LRRC61: variants seen among roughly 807,000 people sequenced by gnomAD.
LRRC61 encodes the protein leucine rich repeat containing 61, also known as leucine-rich repeat-containing protein 61.
Under a neutral mutation model 15.1 loss-of-function variants are expected in LRRC61, and 9 were observed. The ratio of observed to expected loss-of-function variants is 0.60; its 90% CI spans 0.36 to 1.04. LRRC61 has a LOEUF of 1.04. LRRC61 is among the 50% of genes least tolerant of loss of function. The pLI, the probability that LRRC61 is intolerant of heterozygous loss-of-function variation, is 0.01. For synonymous variants in LRRC61, 173 were observed against 158.6 expected (o/e 1.09, Z -0.68); for missense variants, 344 against 335.6 (o/e 1.03, Z -0.20).
chr7:150,322,364 G>C (rs927306557), upstream of LRRC61, among the ~76,000 whole-genome samples: 2 of 152,246 alleles, frequency 1.3e-5, no homozygotes, highest in African/African-American at 2.4e-5. Flanking sequence ...GATAAAACAG[G>C]TTGCAGTAAA....
At chr7:150,321,531 G>A (rs1341483781), upstream of LRRC61, among the ~76,000 whole-genome samples, 4 of 152,180 alleles carry the variant, frequency 2.6e-5, no homozygotes, top group African/African-American at 9.7e-5. Flanking sequence ...CTTGAAGTCA[G>A]GAGTTTGAGA....
intron 1 of LRRC61, among the ~76,000 whole-genome samples, chr7:150,324,191 G>A (rs1311719828): frequency 6.6e-6 from 1 of 152,154 alleles, no homozygotes. Context: ...GAGACTTGAG[G>A]GCCCAGCAGG....
Position 150,336,818 on chromosome 7 carries a change from A to T in LRRC61, c.-44A>T. ...AGCTGACCCCCAGTGGAACCCTGTG[A>T]CAGTCCTGCCAGGGCCCAGGCCATC... On this transcript the variant is annotated 5_prime_UTR_variant, in exon 3 of 3. Coordinates refer to ENST00000359623, the MANE Select transcript of LRRC61 (RefSeq NM_001142928.2). 6.4e-7 allele frequency: 1 copy of T among 1,562,260 alleles called. No individual in the cohort carries two copies. Among genetic ancestry groups the T allele is most frequent in the South Asian group, 1.2e-5 (1 of 82,250 alleles).
At position 150,337,144 on chromosome 7, in the gene LRRC61, A is replaced by C; in HGVS notation, c.283A>C (p.Thr95Pro). 6.2e-7 allele frequency: 1 copy of C among 1,611,420 alleles called. No homozygotes were observed. The highest frequency in any genetic ancestry group is 8.5e-7 in the Non-Finnish European group (1 of 1,180,016). ...NRLTGLEPLA[T>P]CENLQSLNAA... ...GCTGACGGGCCTGGAGCCACTGGCC[A>C]CCTGTGAGAACTTGCAGAGTCTCAA... Residue 95 changes from threonine to proline, a missense_variant, in exon 3 of 3, where the codon ACC becomes CCC. Physicochemically the swap from Thr to Pro is conservative, Grantham distance 38. Coordinates refer to ENST00000359623, the MANE Select transcript of LRRC61 (RefSeq NM_001142928.2).
Position 150,336,847 on chromosome 7 carries a change from A to G in LRRC61, c.-15A>G. ...TCCTGCCAGGGCCCAGGCCATCCCA[A>G]CCGACTTCCATCTCATGGACCCTCC... On this transcript the variant is annotated 5_prime_UTR_variant, in exon 3 of 3. Transcript: ENST00000359623. 3 of 1,592,164 alleles carry G rather than the reference A, an allele frequency of 1.9e-6. No homozygotes were observed. Among genetic ancestry groups the G allele is most frequent in the Non-Finnish European group, 1.7e-6 (2 of 1,167,396 alleles).
chr7:150,314,654 T>G, the LRRC61 span, among the ~76,000 whole-genome samples: 3 of 151,840 alleles, frequency 2.0e-5, no homozygotes, highest in Non-Finnish European at 2.9e-5. Flanking sequence ...TTAAAAATAA[T>G]GTTTAAGGCT....
chr7:150,310,142 C>A, the LRRC61 span, among the ~76,000 whole-genome samples: 1 of 152,104 alleles, frequency 6.6e-6, no homozygotes, highest in Non-Finnish European at 1.5e-5. Flanking sequence ...TATCTGCTTC[C>A]CTGGTTATTC....
upstream of LRRC61, among the ~76,000 whole-genome samples, chr7:150,319,201 T>G (rs1370323778): frequency 1.4e-5 from 2 of 145,592 alleles, no homozygotes; most frequent in Non-Finnish European, 3.0e-5. Context: ...TAAAATTGCT[T>G]CTTCTTTTTT....
Position 150,337,278 on chromosome 7 carries a change from G to T in LRRC61, c.417G>T (p.Pro139=), listed in dbSNP as rs374726542. Residue 139 remains proline, a synonymous_variant, in exon 3 of 3, where the codon CCG becomes CCT. Coordinates refer to ENST00000359623, the MANE Select transcript of LRRC61 (RefSeq NM_001142928.2). ...ACCCTTTGGCCCGGCTCAGCAACCC[G>T]CTCTGTGCCAACCCCTCCTACTGGG... The part of the protein sequence containing the change: ...LRDPLARLSN[P]LCANPSYWAA... 5 of 1,603,544 alleles carry T rather than the reference G, an allele frequency of 3.1e-6. No homozygotes were observed. The highest frequency in any genetic ancestry group is 4.5e-5 in the East Asian group (2 of 44,862).
the LRRC61 span, among the ~76,000 whole-genome samples, chr7:150,312,740 C>T: frequency 2.6e-5 from 4 of 152,260 alleles, no homozygotes; most frequent in South Asian, 8.3e-4. Context: ...GCCCCTACCC[C>T]CATAATCCCC....
chr7:150,312,516 C>T, the LRRC61 span, among the ~76,000 whole-genome samples: 1 of 152,144 alleles, frequency 6.6e-6, no homozygotes, highest in Non-Finnish European at 1.5e-5. Flanking sequence ...AAACTCATCG[C>T]CACCTACATT....
At chr7:150,321,877 G>C (rs757677410), upstream of LRRC61, among the ~76,000 whole-genome samples, 1 of 152,218 alleles carries the variant, frequency 6.6e-6, no homozygotes, top group African/African-American at 2.4e-5. Context: ...GCAGGAGAAG[G>C]GTCATCTGAA....
chr7:150,316,605 C>T, the LRRC61 span, among the ~76,000 whole-genome samples: 32 of 151,942 alleles, frequency 2.1e-4, no homozygotes, highest in Middle Eastern at 3.4e-3. Flanking sequence ...CCTGCCTCAG[C>T]CTCCTGAGCA....
chr7:150,328,239 G>A (rs140224197), intron 2 of LRRC61, among the ~76,000 whole-genome samples: 1 of 152,284 alleles, frequency 6.6e-6, no homozygotes, highest in South Asian at 2.1e-4. Flanking sequence ...AGAGGAAGGG[G>A]AACACAAAGA....
intron 1 of LRRC61, among the ~76,000 whole-genome samples, chr7:150,323,951 T>C (rs1445842560): frequency 2.0e-5 from 3 of 152,200 alleles, no homozygotes; most frequent in Admixed American, 2.0e-4. Flanking sequence ...GTGTCGTTTG[T>C]AACAGATCTC....
the LRRC61 span, among the ~76,000 whole-genome samples, chr7:150,317,926 C>T: frequency 6.6e-6 from 1 of 150,926 alleles, no homozygotes; most frequent in Non-Finnish European, 1.5e-5. Context: ...GGAAAGTAAA[C>T]CAAAAGGAAC....
the LRRC61 span, among the ~76,000 whole-genome samples, chr7:150,312,948 C>T: frequency 5.3e-5 from 8 of 152,150 alleles, no homozygotes; most frequent in Admixed American, 4.6e-4. Context: ...AGCCAGCTCC[C>T]GCCTTAACTG....
At chr7:150,328,548 T>G (rs1312395951) in intron 2 of LRRC61, 1 of 152,160 alleles carries the variant, frequency 6.6e-6, no homozygotes, top group Admixed American at 6.5e-5. Context: ...CCTGAACACG[T>G]TCTATCGTGC....
rs1481042512 is a variant in LRRC61, at chr7:150,334,203, C to CT, written c.-144-2513dup. On this transcript the variant is annotated intron_variant, in intron 2 of 2. Transcript: ENST00000359623. The stretch of plus-strand genomic sequence containing the variant: ...CTGACCCAGTTCCTCAGGGCATTCA[C>CT]TTAACCTCTGCAGTCCCACTGTGGC... The CT allele has an allele frequency of 3.8e-6, 3 of 793,858 alleles. No homozygotes were observed. The African/African-American group carries it at 5.6e-5, about 15-fold the overall frequency. The allele number at this position is 793,858 out of a possible 1,614,324, so 49.2% of individuals were successfully genotyped here.
Sources: gnomAD v4.1 joint callset for allele counts (sites outside exome capture counted in the v4.1 genomes callset) on GRCh38, gnomAD v4.1.1 for gene constraint, MANE v1.5 for transcripts, NCBI Gene and HGNC (gene_info 2026-07-23, HGNC 2026-07-21) for gene names.